ISM1: variants seen among roughly 807,000 people sequenced by gnomAD.
ISM1 encodes isthmin-1.
A neutral mutation model predicts 46.3 loss-of-function variants in ISM1; 25 were observed. The observed-to-expected ratio is 0.54, with a 90% CI of 0.39 to 0.75. The LOEUF is 0.75. ISM1 is among the 30% of genes least tolerant of loss of function. The pLI is 0.00. For synonymous variants in ISM1, 255 were observed against 256.7 expected (o/e 0.99, Z 0.06); for missense variants, 536 against 625.4 (o/e 0.86, Z 1.52).
At chr20:13,270,843 T>C in intron 2 of ISM1, 100 bp downstream of exon 2, 1 of 1,111,656 alleles carries the variant, frequency 9.0e-7, no homozygotes, top group South Asian at 1.5e-5. Context: ...ACTTTTCTTC[T>C]TAACCCCTTA....
chr20:13,311,409 T>A, the ISM1 span, among the ~76,000 whole-genome samples: 4 of 152,166 alleles, frequency 2.6e-5, no homozygotes, highest in Non-Finnish European at 4.4e-5. Context: ...AGAACTACCA[T>A]GTAATCTAGC....
chr20:13,234,598 A>G (rs2039626750), intron 1 of ISM1, among the ~76,000 whole-genome samples: 2 of 152,340 alleles, frequency 1.3e-5, no homozygotes, highest in East Asian at 1.9e-4. Flanking sequence ...CCTTTTAGCC[A>G]TGTCCTCGCC....
At chr20:13,240,138 A>G (rs1011217203) in intron 1 of ISM1, among the ~76,000 whole-genome samples, 1 of 152,234 alleles carries the variant, frequency 6.6e-6, no homozygotes, top group Non-Finnish European at 1.5e-5. Flanking sequence ...GCATTCTACA[A>G]TTCCATTCAT....
At chr20:13,314,808 T>C in the ISM1 span, among the ~76,000 whole-genome samples, 1 of 152,136 alleles carries the variant, frequency 6.6e-6, no homozygotes, top group Non-Finnish European at 1.5e-5. Context: ...TATTCAATTA[T>C]GCACATATCT....
chr20:13,280,495 A>G (rs1021414303), intron 3 of ISM1, among the ~76,000 whole-genome samples: 3 of 151,948 alleles, frequency 2.0e-5, no homozygotes, highest in African/African-American at 7.2e-5. Flanking sequence ...TCAGTGAGTT[A>G]AAATAATAAA....
the ISM1 span, among the ~76,000 whole-genome samples, chr20:13,317,185 T>G: frequency 2.6e-5 from 4 of 151,860 alleles, no homozygotes; most frequent in African/African-American, 9.6e-5. Context: ...CCATTTACAT[T>G]AACACCTCAA....
chr20:13,289,560 A>G (rs2123311269), intron 4 of ISM1, among the ~76,000 whole-genome samples: 1 of 152,174 alleles, frequency 6.6e-6, no homozygotes, highest in East Asian at 1.9e-4. Flanking sequence ...CTGGCTCGAG[A>G]CCTGTTTTTG....
At chr20:13,293,503 CT>C (rs907487312) in intron 5 of ISM1, among the ~76,000 whole-genome samples, 45 of 146,374 alleles carry the variant, frequency 3.1e-4, no homozygotes, top group East Asian at 7.9e-4. Flanking sequence ...AGTCCTGAGT[CT>C]TTTTTTTTTT....
intron 4 of ISM1, among the ~76,000 whole-genome samples, chr20:13,289,809 T>C (rs2040333934): frequency 6.6e-6 from 1 of 152,196 alleles, no homozygotes; most frequent in Admixed American, 6.5e-5. Flanking sequence ...GTATTTCCCA[T>C]TGCCAGGTAG....
chr20:13,321,949 T>C, the ISM1 span, among the ~76,000 whole-genome samples: 3 of 152,268 alleles, frequency 2.0e-5, no homozygotes, highest in Non-Finnish European at 4.4e-5. Context: ...CGTTTCTTCA[T>C]TGTAAAATAT....
chr20:13,311,868 G>A, the ISM1 span, among the ~76,000 whole-genome samples: 2 of 152,260 alleles, frequency 1.3e-5, no homozygotes, highest in African/African-American at 4.8e-5. Flanking sequence ...GAGATTTATT[G>A]TACAGCATGA....
At chr20:13,307,797 G>A in the ISM1 span, among the ~76,000 whole-genome samples, 1 of 152,192 alleles carries the variant, frequency 6.6e-6, no homozygotes, top group South Asian at 2.1e-4. Flanking sequence ...TTTCCAATGT[G>A]TGAATATATC....
Position 13,221,552 on chromosome 20 carries a change from T to TGCGGCGGCGGCGGCGGCG in ISM1, c.-218_-201dup, listed in dbSNP as rs911571992. Among the ~76,000 whole-genome samples the TGCGGCGGCGGCGGCGGCG allele has an allele frequency of 1.3e-4, 18 of 141,508 alleles. 1 individual carries two copies. The highest frequency in any genetic ancestry group is 2.8e-4 in the Admixed American group (4 of 14,396). The allele number at this position is 141,508 out of a possible 152,430, so 92.8% of individuals were successfully genotyped here. A position where few individuals can be genotyped will look rare whatever the true frequency, so the allele number is the denominator to read the frequency against. On this transcript the variant is annotated 5_prime_UTR_variant, in exon 1 of 6. Coordinates refer to ENST00000262487, the MANE Select transcript of ISM1 (RefSeq NM_080826.2). ...CGGCCTCGCGGTGGCTCCGCCGTGG[T>TGCGGCGGCGGCGGCGGCG]GCGGCGGCGGCGGCGGCGGCGGCGC...
intron 1 of ISM1, among the ~76,000 whole-genome samples, chr20:13,261,187 G>A (rs1236491870): frequency 6.6e-6 from 1 of 152,192 alleles, no homozygotes; most frequent in East Asian, 1.9e-4. Flanking sequence ...GCTGAGTTGG[G>A]TGGATCACCT....
At chr20:13,222,598 A>C (rs2039464445) in intron 1 of ISM1, among the ~76,000 whole-genome samples, 1 of 152,050 alleles carries the variant, frequency 6.6e-6, no homozygotes, top group Non-Finnish European at 1.5e-5. Flanking sequence ...ACTTGTAGCA[A>C]AGTCTTTCTC....
chr20:13,284,606 T>C (rs2123295822), intron 3 of ISM1, among the ~76,000 whole-genome samples: 1 of 152,328 alleles, frequency 6.6e-6, no homozygotes, highest in South Asian at 2.1e-4. Flanking sequence ...GAAATGCCCG[T>C]TCTGTTCTTT....
intron 1 of ISM1, among the ~76,000 whole-genome samples, chr20:13,265,852 T>C (rs1405656453): frequency 6.6e-6 from 1 of 152,108 alleles, no homozygotes; most frequent in Non-Finnish European, 1.5e-5. Flanking sequence ...AAAAGACATA[T>C]GGAGGTCACC....
chr20:13,250,450 G>A (rs1002043138), intron 1 of ISM1, among the ~76,000 whole-genome samples: 1 of 152,182 alleles, frequency 6.6e-6, no homozygotes, highest in African/African-American at 2.4e-5. Flanking sequence ...GGAAAAGAGC[G>A]AGTAATGGGC....
At chr20:13,326,296 T>G in the ISM1 span, among the ~76,000 whole-genome samples, 16 of 152,334 alleles carry the variant, frequency 1.1e-4, no homozygotes, top group African/African-American at 3.6e-4. Context: ...GATTTTTATG[T>G]GCACCTAAGA....
Sources: allele counts gnomAD v4.1 joint callset (sites outside exome capture counted in the v4.1 genomes callset), GRCh38; gene constraint gnomAD v4.1.1; transcripts MANE v1.5; gene names NCBI Gene and HGNC (gene_info 2026-07-23, HGNC 2026-07-21).